Variants in SEZ6L observed in about 807,000 individuals in gnomAD.
SEZ6L encodes the protein seizure related 6 homolog like, also known as seizure 6-like protein.
A neutral mutation model predicts 106.2 loss-of-function variants in SEZ6L; 37 were observed. The observed-to-expected ratio is 0.35, with a 90% confidence interval of 0.27 to 0.46. The LOEUF (loss-of-function observed/expected upper bound fraction) is 0.46. Among genes scored for constraint, SEZ6L ranks in the 20% least tolerant of loss-of-function variants. SEZ6L has a pLI of 1.00. For missense variants in SEZ6L, 1,172 were observed against 1,332.8 expected (o/e 0.88, Z 1.88); for synonymous variants, 541 against 570.4 (o/e 0.95, Z 0.73).
intron 1 of SEZ6L, among the ~76,000 whole-genome samples, chr22:26,233,306 A>C (rs1377162808): frequency 2.0e-5 from 3 of 152,130 alleles, no homozygotes; most frequent in African/African-American, 7.2e-5. Flanking sequence ...TCATCCTGTC[A>C]TGGGTGGCGT....
At position 26,381,088 on chromosome 22, in the gene SEZ6L, T is replaced by G. The variant is rs2084396636; in HGVS notation, c.*793T>G. On this transcript the variant is annotated 3_prime_UTR_variant, in exon 17 of 17. Transcript: ENST00000248933. ...GTTCTTTTCTTTGACACTCTTTCAA[T>G]GATGAAAGAGCGTGTAATTTATGCT... 1 of 152,132 alleles carries G rather than the reference T, an allele frequency of 6.6e-6. No homozygotes were observed. The highest frequency in any genetic ancestry group is 2.1e-4 in the South Asian group (1 of 4,816). The allele number at this position is 152,132 out of a possible 1,614,324, so 9.4% of individuals were successfully genotyped here. A position where few individuals can be genotyped will look rare whatever the true frequency, so the allele number is the denominator to read the frequency against.
chr22:26,238,705 T>C (rs2145763132), intron 1 of SEZ6L, among the ~76,000 whole-genome samples: 2 of 152,346 alleles, frequency 1.3e-5, no homozygotes, highest in Admixed American at 1.3e-4. Flanking sequence ...AATGAGATGA[T>C]AGGTCCTATT....
chr22:26,334,143 C>T (rs749028836), intron 9 of SEZ6L, among the ~76,000 whole-genome samples: 1 of 151,968 alleles, frequency 6.6e-6, no homozygotes, highest in Admixed American at 6.6e-5. Context: ...TACAATTAGT[C>T]ATTTTAACAT....
At position 26,351,382 on chromosome 22, in the gene SEZ6L, G is replaced by C. The variant is rs1257988032; in HGVS notation, c.2599+139G>C. 8 of 672,558 alleles carry C rather than the reference G, an allele frequency of 1.2e-5. No individual in the cohort carries two copies. The East Asian group carries it at 2.2e-4, about 18-fold the overall frequency. The allele number at this position is 672,558 out of a possible 1,614,324, so 41.7% of individuals were successfully genotyped here. On this transcript the variant is annotated intron_variant, in intron 12 of 16. Coordinates refer to ENST00000248933, the MANE Select transcript of SEZ6L (RefSeq NM_021115.5). ...TTATTATCATTACTATGACAAAACA[G>C]TACCTAACACTGATTGGGAGCACAC...
chr22:26,294,721 AACACACAC>A (rs56000206), intron 3 of SEZ6L, among the ~76,000 whole-genome samples: 39,600 of 148,172 alleles, frequency 0.27, 5,607 homozygotes, highest in Non-Finnish European at 0.32. Context: ...CACGTGCATA[AACACACAC>A]ACACACACAC....
rs915540078 is a variant in SEZ6L, at chr22:26,169,675, C to G, written c.6C>G (p.Pro2=). 1.7e-5 allele frequency: 22 copies of G among 1,308,626 alleles called. No homozygotes were observed. Among genetic ancestry groups the G allele is most frequent in the Non-Finnish European group, 2.1e-5 (21 of 1,024,014 alleles). 81.1% of individuals were successfully genotyped at this position (1,308,626 alleles called of 1,614,324 possible). A position where few individuals can be genotyped will look rare whatever the true frequency, so the allele number is the denominator to read the frequency against. ...CCGCGCCCCCTGCAGCCACGATGCC[C>G]GCGGCCCGGCCGCCCGCCGCGGGAC... M[P]AARPPAAGLR... The change falls in exon 1 of 17, where the codon CCC becomes CCG. Residue 2 remains proline (P), a synonymous_variant. Coordinates refer to ENST00000248933, the MANE Select transcript of SEZ6L (RefSeq NM_021115.5).
At chr22:26,233,073 C>G in intron 1 of SEZ6L, among the ~76,000 whole-genome samples, 1 of 152,330 alleles carries the variant, frequency 6.6e-6, no homozygotes, top group Admixed American at 6.5e-5. Flanking sequence ...ATTCAAAACC[C>G]GAAGACCATT....
chr22:26,239,582 G>A (rs1207401), intron 1 of SEZ6L, among the ~76,000 whole-genome samples: 36,929 of 151,906 alleles, frequency 0.24, 4,804 homozygotes, highest in South Asian at 0.33. Flanking sequence ...CTCAGCCTTG[G>A]AGCCTCTGGG....
intron 16 of SEZ6L, among the ~76,000 whole-genome samples, chr22:26,379,437 T>C (rs2084342354): frequency 6.6e-6 from 1 of 152,236 alleles, no homozygotes. Flanking sequence ...GGGACCACCT[T>C]GGGGCCTGCC....
In SEZ6L at chr22:26,332,896, G is replaced by C. The variant is rs185660188; in HGVS notation, c.2016-7540G>C. On this transcript the variant is annotated intron_variant, in intron 9 of 16. Coordinates refer to ENST00000248933, the MANE Select transcript of SEZ6L (RefSeq NM_021115.5). ...ATCTCAAGCTTTGGCATCAAAAGACGTAGGTTTGAATCTTGACCTTCCTGG... is the reference window on the plus strand; with the variant it reads ...ATCTCAAGCTTTGGCATCAAAAGACCTAGGTTTGAATCTTGACCTTCCTGG... 3.3e-3 allele frequency among the ~76,000 whole-genome samples: 499 copies of C among 152,332 alleles called. 7 individuals are homozygous for C. Among genetic ancestry groups the C allele is most frequent in the African/African-American group, 0.011 (461 of 41,572 alleles).
intron 1 of SEZ6L, among the ~76,000 whole-genome samples, chr22:26,261,720 A>G (rs990097152): frequency 6.6e-6 from 1 of 152,218 alleles, no homozygotes; most frequent in African/African-American, 2.4e-5. Flanking sequence ...TGCTGTAAAA[A>G]GACAAAATTG....
At chr22:26,174,889 T>C (rs558060259) in intron 1 of SEZ6L, among the ~76,000 whole-genome samples, 1 of 152,354 alleles carries the variant, frequency 6.6e-6, no homozygotes, top group East Asian at 1.9e-4. Context: ...ATAAGTGCTT[T>C]ATATAGATAT....
intron 1 of SEZ6L, among the ~76,000 whole-genome samples, chr22:26,176,697 T>C (rs1483505738): frequency 6.6e-6 from 1 of 152,208 alleles, no homozygotes; most frequent in East Asian, 1.9e-4. Context: ...CATTACAAGA[T>C]TGTTAAGACT....
chr22:26,375,383 A>G (rs2084185299), intron 14 of SEZ6L, among the ~76,000 whole-genome samples, 192 bp from the exon 15 acceptor site: 1 of 152,164 alleles, frequency 6.6e-6, no homozygotes, highest in African/African-American at 2.4e-5. Context: ...CCAAAGGATG[A>G]GTCTGGGACC....
intron 6 of SEZ6L, among the ~76,000 whole-genome samples, chr22:26,309,448 C>A (rs2081744209): frequency 6.6e-6 from 1 of 152,174 alleles, no homozygotes; most frequent in Non-Finnish European, 1.5e-5. Flanking sequence ...TAATGTAAAT[C>A]CAGATGGGGA....
Position 26,292,422 on chromosome 22 carries a change from A to T in SEZ6L, c.111A>T (p.Gly37=), listed in dbSNP as rs35377445. Residue 37 remains glycine, a synonymous_variant, in exon 2 of 17, where the codon GGA becomes GGT. Transcript: ENST00000248933. ...AALERDALPE[G]DASPLGPYLL... ...TCTTCCAAGATGCTCTTCCCGAGGG[A>T]GATGCTAGCCCTTTGGGTCCTTACC... 9 of 1,612,430 alleles carry T rather than the reference A, an allele frequency of 5.6e-6. No individual in the cohort carries two copies. The highest frequency in any genetic ancestry group is 8.5e-7 in the Non-Finnish European group (1 of 1,179,210).
chr22:26,211,322 C>T (rs932994852), intron 1 of SEZ6L, among the ~76,000 whole-genome samples: 2 of 152,184 alleles, frequency 1.3e-5, no homozygotes, highest in Non-Finnish European at 2.9e-5. Context: ...CATTGGGCTG[C>T]TAATGGTGTT....
At chr22:26,252,140 C>T (rs2079617513) in intron 1 of SEZ6L, among the ~76,000 whole-genome samples, 1 of 152,108 alleles carries the variant, frequency 6.6e-6, no homozygotes, top group African/African-American at 2.4e-5. Context: ...CAGTCAGAGT[C>T]TACATTTTAA....
At chr22:26,221,885 A>C (rs1375614741) in intron 1 of SEZ6L, among the ~76,000 whole-genome samples, 1 of 152,228 alleles carries the variant, frequency 6.6e-6, no homozygotes, top group Non-Finnish European at 1.5e-5. Context: ...TCAATTCGCC[A>C]ATGGTTTTAT....
Sources: allele counts gnomAD v4.1 joint callset (sites outside exome capture counted in the v4.1 genomes callset), GRCh38; gene constraint gnomAD v4.1.1; transcripts MANE v1.5; gene names NCBI Gene and HGNC (gene_info 2026-07-23, HGNC 2026-07-21).